MSH4: variants seen among roughly 807,000 people sequenced by gnomAD.
MSH4 encodes the protein mutS homolog 4.
A neutral mutation model predicts 113.7 loss-of-function variants in MSH4; 106 were observed. The ratio of observed to expected loss-of-function variants is 0.93; its 90% CI spans 0.80 to 1.10. The LOEUF is 1.10. Among genes scored for constraint, MSH4 ranks in the 50% least tolerant of loss-of-function variants. MSH4 has a pLI of 0.00. For synonymous variants in MSH4, 368 were observed against 380.2 expected (o/e 0.97, Z 0.37); for missense variants, 1,061 against 1,093.7 (o/e 0.97, Z 0.42).
intron 4 of MSH4, 92 bp downstream of exon 4, chr1:75,810,899 T>C (rs1650176890): frequency 1.7e-6 from 1 of 591,932 alleles, no homozygotes; most frequent in Non-Finnish European, 2.7e-6. Context: ...TGAGACAGAG[T>C]TTCACTCTGT....
chr1:75,816,829 A>T (rs1343051715), intron 6 of MSH4, among the ~76,000 whole-genome samples: 4 of 152,036 alleles, frequency 2.6e-5, no homozygotes, highest in African/African-American at 9.7e-5. Flanking sequence ...GTTTCACCAT[A>T]TTGGCCAGGC....
intron 7 of MSH4, among the ~76,000 whole-genome samples, chr1:75,834,353 A>G (rs1020547224): frequency 1.3e-5 from 2 of 152,230 alleles, no homozygotes; most frequent in African/African-American, 4.8e-5. Flanking sequence ...TAGTTCAACC[A>G]TTGTGGAAGA....
At chr1:75,874,115 T>A (rs1046923544) in intron 9 of MSH4, among the ~76,000 whole-genome samples, 3 of 152,194 alleles carry the variant, frequency 2.0e-5, no homozygotes, top group Non-Finnish European at 4.4e-5. Context: ...TAATAGCCAT[T>A]CTGACTGGTG....
At chr1:75,852,344 G>A (rs1221876587) in intron 8 of MSH4, among the ~76,000 whole-genome samples, 1 of 152,054 alleles carries the variant, frequency 6.6e-6, no homozygotes. Flanking sequence ...ATGAATATTT[G>A]TGTGCAGGTT....
At chr1:75,854,013 G>GTGTATATATATATATATATATA (rs1353448679) in intron 8 of MSH4, among the ~76,000 whole-genome samples, 6 of 116,836 alleles carry the variant, frequency 5.1e-5, no homozygotes, top group Non-Finnish European at 9.4e-5. Flanking sequence ...GTGTGTGTGT[G>GTGTATATATATATATATATATA]TATATATATA....
At chr1:75,865,415 A>G (rs1249685067) in intron 8 of MSH4, among the ~76,000 whole-genome samples, 2 of 152,168 alleles carry the variant, frequency 1.3e-5, no homozygotes, top group Non-Finnish European at 2.9e-5. Context: ...AAGATGATTG[A>G]ATGATAACAT....
intron 4 of MSH4, among the ~76,000 whole-genome samples, chr1:75,813,279 A>G (rs1394528656): frequency 6.6e-6 from 1 of 152,196 alleles, no homozygotes. Flanking sequence ...TTGCTGTGAG[A>G]CACAGAATAC....
intron 19 of MSH4, among the ~76,000 whole-genome samples, chr1:75,902,671 A>ATG (rs1557532083): frequency 5.0e-5 from 5 of 100,242 alleles, no homozygotes; most frequent in Admixed American, 1.2e-4. Context: ...ATATATGTGT[A>ATG]TGTATATATA....
At chr1:75,851,917 A>G (rs1651197189) in intron 8 of MSH4, among the ~76,000 whole-genome samples, 1 of 152,174 alleles carries the variant, frequency 6.6e-6, no homozygotes, top group South Asian at 2.1e-4. Context: ...AAAGCCTACA[A>G]TTTAATTGTC....
At chr1:75,892,241 G>A (rs1469876491) in intron 17 of MSH4, among the ~76,000 whole-genome samples, 1 of 152,148 alleles carries the variant, frequency 6.6e-6, no homozygotes, top group Non-Finnish European at 1.5e-5. Context: ...GAACCTGCCA[G>A]CTTTGGACTG....
At chr1:75,907,689 CATATATATATAT>C (rs71071973) in intron 19 of MSH4, among the ~76,000 whole-genome samples, 2 of 78,622 alleles carry the variant, frequency 2.5e-5, no homozygotes, top group African/African-American at 5.9e-5. Context: ...TCTCTCTATA[CATATATATATAT>C]ATATATATAT....
At chr1:75,837,284 G>A (rs932234676) in intron 7 of MSH4, among the ~76,000 whole-genome samples, 1 of 151,856 alleles carries the variant, frequency 6.6e-6, no homozygotes, top group Admixed American at 6.6e-5. Flanking sequence ...TTGTTTATAA[G>A]CCACTCAGCT....
chr1:75,807,168 G>T, intron 3 of MSH4, 27 bp downstream of exon 3: 1 of 1,494,520 alleles, frequency 6.7e-7, no homozygotes, highest in Non-Finnish European at 8.9e-7. Flanking sequence ...CTAGAAAATG[G>T]TTGCTCTGTT....
intron 9 of MSH4, 34 bp downstream of exon 9, chr1:75,867,622 C>T (rs757387247): frequency 7.5e-7 from 1 of 1,330,156 alleles, no homozygotes; most frequent in East Asian, 2.4e-5. Flanking sequence ...CAAAACATGT[C>T]CAGCATTATT....
At chr1:75,884,957 G>A (rs1411327088) in intron 15 of MSH4, among the ~76,000 whole-genome samples, 1 of 147,146 alleles carries the variant, frequency 6.8e-6, no homozygotes, top group African/African-American at 2.5e-5. Context: ...TAATATATAT[G>A]TATATATGTA....
intron 7 of MSH4, among the ~76,000 whole-genome samples, chr1:75,836,097 C>T (rs1469883101): frequency 6.6e-6 from 1 of 152,028 alleles, no homozygotes; most frequent in Non-Finnish European, 1.5e-5. Context: ...GATATGAAAG[C>T]CTAGCTCTTT....
At chr1:75,898,257 A>C (rs1451822115) in intron 18 of MSH4, among the ~76,000 whole-genome samples, 176 bp downstream of exon 18, 1 of 151,642 alleles carries the variant, frequency 6.6e-6, no homozygotes, top group African/African-American at 2.4e-5. Flanking sequence ...ATATCTAGAT[A>C]TAGATATATA....
chr1:75,835,522 A>G, intron 7 of MSH4, among the ~76,000 whole-genome samples: 1 of 152,188 alleles, frequency 6.6e-6, no homozygotes, highest in Non-Finnish European at 1.5e-5. Context: ...CCAAATATGC[A>G]TTTATACTTA....
At chr1:75,867,442 T>G (rs1651610544) in intron 8 of MSH4, 72 bp from the exon 9 acceptor site, 2 of 830,828 alleles carry the variant, frequency 2.4e-6, no homozygotes, top group African/African-American at 1.8e-5. Flanking sequence ...AGTAAGAATG[T>G]TCAAGAGGAA....
Sources: gnomAD v4.1 joint callset for allele counts (sites outside exome capture counted in the v4.1 genomes callset) on GRCh38, gnomAD v4.1.1 for gene constraint, MANE v1.5 for transcripts, NCBI Gene and HGNC (gene_info 2026-07-23, HGNC 2026-07-21) for gene names.